ARHGEF28: variants seen among roughly 807,000 people sequenced by gnomAD.
ARHGEF28 encodes Rho guanine nucleotide exchange factor 28.
In ARHGEF28, 152 loss-of-function variants were observed where a neutral mutation model predicts 206.6. The observed-to-expected ratio is 0.74, with a 90% CI of 0.64 to 0.84. The LOEUF (loss-of-function observed/expected upper bound fraction) is 0.84. ARHGEF28 is among the 40% of genes least tolerant of loss of function. ARHGEF28 has a pLI of 0.00. For missense variants in ARHGEF28, 2,028 were observed against 2,073.2 expected (o/e 0.98, Z 0.42); for synonymous variants, 763 against 776.4 (o/e 0.98, Z 0.29).
intron 4 of ARHGEF28, among the ~76,000 whole-genome samples, chr5:73,759,755 C>T (rs1031878951): frequency 1.3e-5 from 2 of 152,118 alleles, no homozygotes; most frequent in South Asian, 2.1e-4. Context: ...AAAGCCATTA[C>T]ATAGGAATTA....
At chr5:73,866,578 C>G (rs1759721772) in intron 18 of ARHGEF28, among the ~76,000 whole-genome samples, 2 of 152,160 alleles carry the variant, frequency 1.3e-5, no homozygotes, top group African/African-American at 4.8e-5. Context: ...ATCTCATTAG[C>G]TCCTTTAGAA....
intron 10 of ARHGEF28, among the ~76,000 whole-genome samples, chr5:73,835,498 G>A (rs954631386): frequency 6.6e-6 from 1 of 151,756 alleles, no homozygotes; most frequent in African/African-American, 2.4e-5. Context: ...AAAAGGACTG[G>A]GTTCAAGAGA....
At chr5:73,895,984 A>C (rs1190749547) in intron 29 of ARHGEF28, among the ~76,000 whole-genome samples, 1 of 152,174 alleles carries the variant, frequency 6.6e-6, no homozygotes, top group African/African-American at 2.4e-5. Context: ...CCCCTCATCC[A>C]TCTGTTTATC....
chr5:73,911,414 C>T lies in ARHGEF28; in HGVS notation c.4787C>T (p.Thr1596Ile), dbSNP rs773971334. The stretch of plus-strand genomic sequence containing the variant: ...CATCAGGATGCCACTTACCCTACAA[C>T]TCAATCTCATTCTGACTTGGTGAGG... Reference protein sequence around the residue: ...VIHQDATYPTTQSHSDLVRTS... With the variant: ...VIHQDATYPTIQSHSDLVRTS... The change falls in exon 35 of 36, where the codon ACT becomes ATT. Residue 1596 changes from threonine (T) to isoleucine (I), a missense_variant. Thr to Ile is a moderately conservative substitution (Grantham distance 89). This residue lies in a region of ARHGEF28 where 803 missense variants were observed against 768.0 expected (regional missense o/e 1.05). Coordinates refer to ENST00000513042, the MANE Select transcript of ARHGEF28 (RefSeq NM_001177693.2). 16 of 1,613,898 alleles carry T rather than the reference C, an allele frequency of 9.9e-6. No homozygotes were observed. The highest frequency in any genetic ancestry group is 5.0e-5 in the Admixed American group (3 of 60,004).
chr5:73,813,783 G>A (rs1254978787), intron 9 of ARHGEF28: 3 of 1,210,852 alleles, frequency 2.5e-6, no homozygotes, highest in South Asian at 1.4e-5. Flanking sequence ...GTGTTTATAC[G>A]TGCCTTTATA....
At chr5:73,653,040 T>A (rs1219802553) in intron 1 of ARHGEF28, among the ~76,000 whole-genome samples, 1 of 152,240 alleles carries the variant, frequency 6.6e-6, no homozygotes, top group Non-Finnish European at 1.5e-5. Flanking sequence ...ATCAGCCTAA[T>A]GGTCTTGTAG....
intron 33 of ARHGEF28, 36 bp from the exon 34 acceptor site, chr5:73,909,376 T>G (rs1762730812): frequency 1.9e-6 from 3 of 1,559,720 alleles, no homozygotes; most frequent in Non-Finnish European, 2.6e-6. Context: ...CATGGAACCT[T>G]GTGTTCAGTG....
intron 1 of ARHGEF28, among the ~76,000 whole-genome samples, chr5:73,628,419 G>A (rs975020548): frequency 4.6e-5 from 7 of 152,192 alleles, no homozygotes; most frequent in Non-Finnish European, 1.0e-4. Flanking sequence ...TGTTGGAAAA[G>A]CCTCACCACT....
intron 10 of ARHGEF28, among the ~76,000 whole-genome samples, chr5:73,839,569 C>A (rs1424580577): frequency 6.6e-6 from 1 of 152,100 alleles, no homozygotes; most frequent in Non-Finnish European, 1.5e-5. Flanking sequence ...AGCTAGGACT[C>A]TTTTTCATGC....
At chr5:73,938,160 C>CCACACACACACACA (rs199804024) in intron 35 of ARHGEF28, among the ~76,000 whole-genome samples, 5,591 of 139,538 alleles carry the variant, frequency 0.04, 149 homozygotes, top group Non-Finnish European at 0.054. Context: ...CTACACTACA[C>CCACACACACACACA]CACACACACA....
chr5:73,744,567 A>G (rs977960726), intron 2 of ARHGEF28, among the ~76,000 whole-genome samples: 14 of 152,018 alleles, frequency 9.2e-5, no homozygotes, highest in African/African-American at 2.9e-4. Context: ...TGTAAAGAAG[A>G]CAAGTTTCAA....
chr5:73,735,751 C>T (rs1750887609), intron 2 of ARHGEF28, among the ~76,000 whole-genome samples: 1 of 152,202 alleles, frequency 6.6e-6, no homozygotes, highest in African/African-American at 2.4e-5. Context: ...CATGCGATGG[C>T]CTCTGCCTTC....
chr5:73,838,256 T>C (rs534242538), intron 10 of ARHGEF28, among the ~76,000 whole-genome samples: 1 of 58,158 alleles, frequency 1.7e-5, no homozygotes, highest in East Asian at 1.4e-3. Context: ...ATTAGCATAG[T>C]ACTTTTTTTT....
chr5:73,917,755 C>T (rs897713190), intron 35 of ARHGEF28, among the ~76,000 whole-genome samples: 3 of 152,162 alleles, frequency 2.0e-5, no homozygotes, highest in Non-Finnish European at 2.9e-5. Flanking sequence ...CTCCAGAGAG[C>T]ATCAGAGGTT....
Position 73,857,987 on chromosome 5 carries a change from TAG to T in ARHGEF28, c.1915-96_1915-95del, listed in dbSNP as rs1268275811. ...AGTCCTTATATTCTGATGGAAAATG[TAG>T]AGACTTTGCTCAGATGATTTCTATA... On this transcript the variant is annotated intron_variant, in intron 15 of 35. Transcript: ENST00000513042. 7 of 1,497,762 alleles carry T rather than the reference TAG, an allele frequency of 4.7e-6. No homozygotes were observed. In the East Asian group the frequency reaches 1.4e-4, roughly 29 times the overall value. The allele number at this position is 1,497,762 out of a possible 1,614,324, so 92.8% of individuals were successfully genotyped here.
At chr5:73,697,491 G>A (rs1561340570) in intron 2 of ARHGEF28, among the ~76,000 whole-genome samples, 1 of 152,198 alleles carries the variant, frequency 6.6e-6, no homozygotes, top group Non-Finnish European at 1.5e-5. Context: ...TGCCTTGCTA[G>A]TAGGGACTCT....
chr5:73,837,840 C>G (rs1325790569), intron 10 of ARHGEF28, among the ~76,000 whole-genome samples: 1 of 151,698 alleles, frequency 6.6e-6, no homozygotes, highest in Non-Finnish European at 1.5e-5. Flanking sequence ...CCCCCAGGCT[C>G]AAGCAATTCT....
chr5:73,686,459 G>C (rs1299354593), intron 2 of ARHGEF28, among the ~76,000 whole-genome samples: 3 of 151,820 alleles, frequency 2.0e-5, no homozygotes, highest in Admixed American at 1.3e-4. Context: ...CCCAAGGAGA[G>C]AAGAGATTTA....
At position 73,866,823 on chromosome 5, in the gene ARHGEF28, G is replaced by T. The variant is rs147960293; in HGVS notation, c.2152+810G>T. Among the ~76,000 whole-genome samples, 261 of 152,274 alleles carry T rather than the reference G, an allele frequency of 1.7e-3. 2 individuals are homozygous for T. The highest frequency in any genetic ancestry group is 6.0e-3 in the African/African-American group (250 of 41,550). On this transcript the variant is annotated intron_variant, in intron 18 of 35. Transcript: ENST00000513042. ...TTTGTGACGCCTTCTGCCTAAAGTT[G>T]TGTTGCTTGACATGTGGCAGGAATT...
Sources: gnomAD v4.1 joint callset for allele counts (sites outside exome capture counted in the v4.1 genomes callset) on GRCh38, gnomAD v4.1.1 for gene constraint, gnomAD v4.1.1 regional missense constraint, MANE v1.5 for transcripts, NCBI Gene and HGNC (gene_info 2026-07-23, HGNC 2026-07-21) for gene names.